Variants in TP73 observed in about 807,000 individuals in gnomAD.
TP73 encodes tumor protein p73.
Under a neutral mutation model 62.5 loss-of-function variants are expected in TP73, and 25 were observed. The ratio of observed to expected loss-of-function variants is 0.40; its 90% CI spans 0.29 to 0.56. The LOEUF (loss-of-function observed/expected upper bound fraction) is 0.56. TP73 is among the 20% of genes least tolerant of loss of function. TP73 has a pLI of 0.46. For missense variants in TP73, 754 were observed against 913.3 expected, an observed-to-expected ratio of 0.83 and a Z score of 2.25; for synonymous variants, 423 against 377.5, an observed-to-expected ratio of 1.12 and a Z score of -1.40.
intron 1 of TP73, among the ~76,000 whole-genome samples, chr1:3,661,973 C>A (rs1266289367): frequency 6.6e-6 from 1 of 150,968 alleles, no homozygotes; most frequent in Non-Finnish European, 1.5e-5. Flanking sequence ...GTGGCAGGAT[C>A]CCTTGAAGCC....
intron 3 of TP73, among the ~76,000 whole-genome samples, chr1:3,695,225 T>C (rs551346551): frequency 6.6e-6 from 1 of 152,346 alleles, no homozygotes; most frequent in South Asian, 2.1e-4. Context: ...GGCTGAGCGC[T>C]GGAGACGTCG....
intron 3 of TP73, among the ~76,000 whole-genome samples, chr1:3,685,836 C>T (rs546862672): frequency 4.6e-5 from 7 of 152,316 alleles, no homozygotes; most frequent in South Asian, 2.1e-4. Flanking sequence ...AGTGCGGATG[C>T]GGGCATGGGG....
chr1:3,679,514 T>C lies in TP73; in HGVS notation c.-33-2819T>C, dbSNP rs574018787. Among the ~76,000 whole-genome samples the C allele has an allele frequency of 3.1e-4, 47 of 151,430 alleles. 1 individual carries two copies. The highest frequency in any genetic ancestry group is 1.2e-3 in the South Asian group (6 of 4,814). ...CTCTGTCTCTCTCCCTGTCTCTCTG[T>C]CTCTGTCTCTCTCCATCTCTCTGTC... On this transcript the variant is annotated intron_variant, in intron 1 of 13. Transcript: ENST00000378295.
At position 3,712,714 on chromosome 1, in the gene TP73, G is replaced by A. The variant is rs370703486; in HGVS notation, c.429+4923G>A. On this transcript the variant is annotated intron_variant, in intron 4 of 13. Coordinates refer to ENST00000378295, the MANE Select transcript of TP73 (RefSeq NM_005427.4). ...GGACCCAGCATGTCTGATTAGTAGC[G>A]TTGGCAGCAGCATTGCCCCTATGTG... 8.3e-4 allele frequency among the ~76,000 whole-genome samples: 126 copies of A among 152,292 alleles called. 5 individuals are homozygous for A. In the South Asian group the frequency reaches 0.019, roughly 23 times the overall value.
intron 3 of TP73, among the ~76,000 whole-genome samples, chr1:3,704,070 C>T (rs1390243007): frequency 6.6e-6 from 1 of 152,230 alleles, no homozygotes; most frequent in East Asian, 1.9e-4. Flanking sequence ...AGCCGTCCTG[C>T]ATTCGCTTGT....
At chr1:3,656,162 G>A (rs960983696) in intron 1 of TP73, among the ~76,000 whole-genome samples, 5 of 148,528 alleles carry the variant, frequency 3.4e-5, no homozygotes, top group Non-Finnish European at 1.5e-5. Flanking sequence ...GCGACAGAGC[G>A]AGACTACGTC....
chr1:3,719,496 G>A (rs1050059920), intron 4 of TP73, among the ~76,000 whole-genome samples: 10 of 152,230 alleles, frequency 6.6e-5, no homozygotes, highest in Admixed American at 2.6e-4. Context: ...GAGACCAGGC[G>A]TGGTGTGTAG....
intron 3 of TP73, chr1:3,690,642 A>C: frequency 4.4e-6 from 6 of 1,368,272 alleles, no homozygotes; most frequent in Non-Finnish European, 5.7e-6. Context: ...CTCATGAGGA[A>C]TAAAGGGGTG....
At chr1:3,653,061 G>T (rs1644790786) in intron 1 of TP73, among the ~76,000 whole-genome samples, 1 of 152,222 alleles carries the variant, frequency 6.6e-6, no homozygotes, top group African/African-American at 2.4e-5. Flanking sequence ...CCCCGCCCGC[G>T]CGCTCCCTCC....
intron 4 of TP73, among the ~76,000 whole-genome samples, chr1:3,720,806 T>G (rs945207872): frequency 6.6e-6 from 1 of 152,222 alleles, no homozygotes; most frequent in East Asian, 1.9e-4. Flanking sequence ...GCCCCCTAAC[T>G]TCCTTGGCAA....
chr1:3,732,570 G>T (rs1439782424), intron 13 of TP73, among the ~76,000 whole-genome samples, 177 bp from the exon 14 acceptor site: 1 of 150,386 alleles, frequency 6.6e-6, no homozygotes. Context: ...CAGGGCCCAG[G>T]CCCCGCACAG....
rs1645110337 is a variant in TP73 at position 3,666,174 on chromosome 1, C to CACT, written c.-34+13534_-34+13536dup. On this transcript the variant is annotated intron_variant, in intron 1 of 13. Coordinates refer to ENST00000378295, the MANE Select transcript of TP73 (RefSeq NM_005427.4). The surrounding 1 kb of genome is among the most constrained non-coding windows in gnomAD (Gnocchi z 6.4). ...AAAGAGAGAGAGAGAGAGAGAATCT[C>CACT]ACTCTGCAGCCTAGGCTGGTGTGCA... Among the ~76,000 whole-genome samples the CACT allele has an allele frequency of 6.8e-6, 1 of 146,224 alleles. No individual in the cohort carries two copies. Among genetic ancestry groups the CACT allele is most frequent in the Non-Finnish European group, 1.5e-5 (1 of 66,550 alleles).
At chr1:3,694,671 C>T (rs368915027) in intron 3 of TP73, among the ~76,000 whole-genome samples, 3 of 29,910 alleles carry the variant, frequency 1.0e-4, no homozygotes, top group Admixed American at 3.0e-4. Flanking sequence ...CCCCTCCTCC[C>T]GCAATCCCAC....
intron 9 of TP73, 24 bp downstream of exon 9, chr1:3,728,241 A>G (rs2236366): frequency 0.13 from 213,724 of 1,604,998 alleles, 23,861 homozygotes; most frequent in African/African-American, 0.58. Flanking sequence ...CCTGCACGGC[A>G]GCCGGGAGAC....
At chr1:3,676,563 G>A (rs1390936158) in intron 1 of TP73, among the ~76,000 whole-genome samples, 3 of 151,950 alleles carry the variant, frequency 2.0e-5, no homozygotes, top group African/African-American at 7.3e-5. Context: ...GGGTTGGGCA[G>A]GGTGAGATGA....
chr1:3,698,021 G>A (rs1485375683), intron 3 of TP73: 8 of 959,116 alleles, frequency 8.3e-6, no homozygotes, highest in Non-Finnish European at 9.9e-6. Flanking sequence ...TCTCGGCTCA[G>A]CCACCCATTC....
intron 3 of TP73, among the ~76,000 whole-genome samples, chr1:3,700,390 T>C (rs2124338134): frequency 6.6e-6 from 1 of 152,304 alleles, no homozygotes; most frequent in South Asian, 2.1e-4. Flanking sequence ...TTGCTTTGCA[T>C]TGTGTCTTAA....
At chr1:3,709,895 T>C (rs1050069213) in intron 4 of TP73, among the ~76,000 whole-genome samples, 10 of 152,218 alleles carry the variant, frequency 6.6e-5, no homozygotes, top group African/African-American at 2.4e-4. Flanking sequence ...TGGTCTGAGC[T>C]GATCCTCATG....
chr1:3,705,832 C>G (rs147402116), intron 3 of TP73, among the ~76,000 whole-genome samples: 1 of 152,216 alleles, frequency 6.6e-6, no homozygotes, highest in Non-Finnish European at 1.5e-5. Context: ...CTGGAGGGGC[C>G]GGGGGATGCG....
Sources: gnomAD v4.1 joint callset for allele counts (sites outside exome capture counted in the v4.1 genomes callset) on GRCh38, gnomAD v4.1.1 for gene constraint, Gnocchi (gnomAD v3.1) non-coding constraint, MANE v1.5 for transcripts, NCBI Gene and HGNC (gene_info 2026-07-23, HGNC 2026-07-21) for gene names.